Variants in CLIC5 observed in about 807,000 individuals in gnomAD.
CLIC5 encodes the protein chloride intracellular channel protein 5.
A neutral mutation model predicts 24.7 loss-of-function variants in CLIC5; 20 were observed. That is an observed-to-expected ratio of 0.81 (90% CI 0.57 to 1.18). The LOEUF (loss-of-function observed/expected upper bound fraction) is 1.18, where lower values mean the gene tolerates loss of function less well. Ranked by LOEUF, CLIC5 falls within the 50% of genes most tolerant of loss-of-function variation. CLIC5 has a pLI of 0.00. For synonymous variants in CLIC5, 159 were observed against 135.6 expected (o/e 1.17, Z -1.20); for missense variants, 341 against 326.1 (o/e 1.05, Z -0.35).
intron 6 of CLIC5, among the ~76,000 whole-genome samples, chr6:45,886,384 G>T (rs539099901): frequency 2.0e-5 from 3 of 152,174 alleles, no homozygotes; most frequent in Non-Finnish European, 2.9e-5. Flanking sequence ...GCACAAGTGC[G>T]GCAGGTCTCA....
chr6:45,974,353 G>A (rs899134019), intron 1 of CLIC5, among the ~76,000 whole-genome samples: 2 of 151,608 alleles, frequency 1.3e-5, no homozygotes, highest in African/African-American at 4.8e-5. Context: ...AGTGATTATA[G>A]CTTCCAGGCA....
At position 45,881,196 on chromosome 6, in the gene CLIC5, T is replaced by C. The variant is rs115053695; in HGVS notation, c.624-8A>G. 4.8e-3 allele frequency: 1,920 copies of C among 398,126 alleles called. 36 individuals are homozygous for C. The highest frequency in any genetic ancestry group is 0.036 in the African/African-American group (1,725 of 48,582). The allele number at this position is 398,126 out of a possible 1,614,324, so 24.7% of individuals were successfully genotyped here. On this transcript the variant is annotated splice_region_variant and splice_polypyrimidine_tract_variant and intron_variant, in intron 6 of 6. Transcript: ENST00000644324. Reference sequence around the variant, plus strand: ...TTTTCAACAAAAAGAAAGCTGAAAGTAAAGAAACAACAGGATTTGAGTTGG... The same window carrying C: ...TTTTCAACAAAAAGAAAGCTGAAAGCAAAGAAACAACAGGATTTGAGTTGG...
At chr6:45,977,719 T>C (rs971915654) in intron 1 of CLIC5, among the ~76,000 whole-genome samples, 1 of 152,194 alleles carries the variant, frequency 6.6e-6, no homozygotes, top group Non-Finnish European at 1.5e-5. Flanking sequence ...CTTTTGTTCA[T>C]GTCATTTCTC....
intron 1 of CLIC5, among the ~76,000 whole-genome samples, chr6:46,001,719 G>C (rs1182021185): frequency 6.6e-6 from 1 of 152,166 alleles, no homozygotes; most frequent in East Asian, 1.9e-4. Flanking sequence ...ACACATTAAA[G>C]GGTTTTGGAG....
chr6:45,936,551 C>T (rs59916509), intron 4 of CLIC5, among the ~76,000 whole-genome samples: 1,941 of 152,170 alleles, frequency 0.013, 31 homozygotes, highest in African/African-American at 0.044. Context: ...TCCAAGCACA[C>T]TTATGAGGTA....
At chr6:46,015,005 C>T (rs1766945095) in intron 1 of CLIC5, among the ~76,000 whole-genome samples, 1 of 152,142 alleles carries the variant, frequency 6.6e-6, no homozygotes, top group African/African-American at 2.4e-5. Flanking sequence ...GATCTCTGAG[C>T]GAAAGAGAGA....
At chr6:46,025,172 C>T (rs1174762288) in intron 1 of CLIC5, among the ~76,000 whole-genome samples, 3 of 151,932 alleles carry the variant, frequency 2.0e-5, no homozygotes, top group East Asian at 1.9e-4. Flanking sequence ...AGTTCCTTTA[C>T]CTGTAAGACA....
At chr6:45,958,873 G>A (rs577092603) in intron 1 of CLIC5, among the ~76,000 whole-genome samples, 1 of 152,126 alleles carries the variant, frequency 6.6e-6, no homozygotes, top group African/African-American at 2.4e-5. Context: ...CATGCTGAGG[G>A]GAGGGTGATG....
intron 5 of CLIC5, among the ~76,000 whole-genome samples, chr6:45,905,595 A>G (rs1413289486): frequency 9.4e-5 from 14 of 148,448 alleles, no homozygotes; most frequent in Admixed American, 9.4e-4. Context: ...TTCTTATTCA[A>G]TTGTTTAAGT....
At chr6:46,097,483 G>T in the CLIC5 span, 1 of 152,266 alleles carries the variant, frequency 6.6e-6, no homozygotes, top group African/African-American at 2.4e-5. Context: ...CCTGTGCAGG[G>T]AAAAAGCTGT....
chr6:46,037,262 AT>A (rs1475417786), intron 1 of CLIC5, among the ~76,000 whole-genome samples: 2 of 152,168 alleles, frequency 1.3e-5, no homozygotes, highest in Non-Finnish European at 2.9e-5. Flanking sequence ...CAAAATTACA[AT>A]CTTTTGGTCA....
chr6:46,015,040 T>C (rs1027251687), intron 1 of CLIC5, among the ~76,000 whole-genome samples: 3 of 152,230 alleles, frequency 2.0e-5, no homozygotes, highest in African/African-American at 7.2e-5. Flanking sequence ...AAATGTCATT[T>C]TCGCTTTGCC....
intron 4 of CLIC5, chr6:45,932,625 A>G (rs1763782379): frequency 6.6e-6 from 1 of 152,330 alleles, no homozygotes; most frequent in Non-Finnish European, 1.5e-5. Flanking sequence ...AGTCTGCAAG[A>G]TGGGAGGACA....
At chr6:45,920,087 A>G (rs879806506) in intron 4 of CLIC5, 28 of 822,942 alleles carry the variant, frequency 3.4e-5, no homozygotes, top group Non-Finnish European at 4.1e-5. Flanking sequence ...CCCTGACAAA[A>G]GAGGATGGGG....
chr6:45,923,561 T>C (rs113134918), intron 4 of CLIC5, among the ~76,000 whole-genome samples: 9 of 152,354 alleles, frequency 5.9e-5, no homozygotes, highest in African/African-American at 2.2e-4. Flanking sequence ...GCCCATTCTT[T>C]TATTTGTTAA....
rs867628396 is a variant in CLIC5 at position 46,015,800 on chromosome 6, G to T, written c.-258C>A. ...AAGCCGGGTTAAGGGAATGACAACA[G>T]GTCGTGGGAGCAACAAGTGCCGGGC... On this transcript the variant is annotated 5_prime_UTR_variant, in exon 1 of 6. It adds an upstream start codon to the 5' untranslated region. Coordinates refer to ENST00000339561, the MANE Select transcript of CLIC5 (RefSeq NM_016929.5). The T allele has an allele frequency of 8.3e-7, 1 of 1,198,206 alleles. No individual in the cohort carries two copies. Among genetic ancestry groups the T allele is most frequent in the South Asian group, 4.1e-5 (1 of 24,194 alleles). The allele number at this position is 1,198,206 out of a possible 1,614,324, so 74.2% of individuals were successfully genotyped here. A position where few individuals can be genotyped will look rare whatever the true frequency, so the allele number is the denominator to read the frequency against.
chr6:45,945,389 G>A (rs1183079601), intron 3 of CLIC5, among the ~76,000 whole-genome samples: 1 of 152,116 alleles, frequency 6.6e-6, no homozygotes, highest in East Asian at 1.9e-4. Flanking sequence ...CACCTAAGTT[G>A]GGATCACGTG....
the CLIC5 span, among the ~76,000 whole-genome samples, chr6:46,104,664 TA>T: frequency 0.015 from 1,961 of 131,176 alleles, 9 homozygotes; most frequent in African/African-American, 0.026. Context: ...CTCCTATGTT[TA>T]AAAAAAAAAA....
chr6:46,018,026 C>T (rs529004535), upstream of CLIC5, among the ~76,000 whole-genome samples: 4 of 152,298 alleles, frequency 2.6e-5, no homozygotes, highest in East Asian at 7.7e-4. Flanking sequence ...TTTAGAGAAA[C>T]AGTCACCTTC....
Sources: gnomAD v4.1 joint callset for allele counts (sites outside exome capture counted in the v4.1 genomes callset) on GRCh38, gnomAD v4.1.1 for gene constraint, MANE v1.5 for transcripts, NCBI Gene and HGNC (gene_info 2026-07-23, HGNC 2026-07-21) for gene names.